Variants in DNHD1 observed in about 807,000 individuals in gnomAD.
DNHD1 encodes dynein heavy chain domain 1.
A neutral mutation model predicts 458.1 loss-of-function variants in DNHD1; 383 were observed. The ratio of observed to expected loss-of-function variants is 0.84; its 90% CI spans 0.77 to 0.91. The LOEUF is 0.91. Among genes scored for constraint, DNHD1 ranks in the 40% least tolerant of loss-of-function variants. The probability of loss-of-function intolerance (pLI) is 0.00; values close to 1 mark genes in which losing one functional copy is unlikely to be tolerated. For missense variants in DNHD1, 5,336 were observed against 5,866.1 expected (o/e 0.91, Z 2.95); for synonymous variants, 2,203 against 2,376.9 (o/e 0.93, Z 2.13).
rs747672379 is a variant in DNHD1 at position 6,559,107 on chromosome 11, G to A, written c.9416+1G>A. The A allele has an allele frequency of 6.2e-5, 96 of 1,551,584 alleles. No individual in the cohort carries two copies. The African/African-American group carries it at 1.2e-3, about 19-fold the overall frequency. On this transcript the variant is annotated splice_donor_variant, in intron 27 of 42. Coordinates refer to ENST00000254579, the MANE Select transcript of DNHD1 (RefSeq NM_144666.3). LOFTEE classifies it high-confidence loss of function. ...TGAAGATTAAGAACAAGGCCCAGCG[G>A]TGAGTGTCCCGTCCCCTGCAGTGTA...
At chr11:6,520,916 T>A in intron 10 of DNHD1, 1 of 959,308 alleles carries the variant, frequency 1.0e-6, no homozygotes, top group Non-Finnish European at 1.2e-6. Flanking sequence ...CTTCTATCTG[T>A]TCATTAAGAA....
At position 6,570,713 on chromosome 11, in the gene DNHD1, C is replaced by T; in HGVS notation, c.13201C>T (p.Pro4401Ser). 1.2e-6 allele frequency: 2 copies of T among 1,611,208 alleles called. No homozygotes were observed. Among genetic ancestry groups the T allele is most frequent in the Admixed American group, 1.7e-5 (1 of 59,662 alleles). ...EPRLCGLSEG[P>S]QAWLLRRQSR... ...CCGGCTCTGCGGACTGAGTGAGGGC[C>T]CCCAAGCCTGGCTGTTGCGACGCCA... The change falls in exon 42 of 43, where the codon CCC (proline) becomes TCC (serine). Residue 4401 changes from proline (P) to serine (S), a missense_variant. Coordinates refer to ENST00000254579, the MANE Select transcript of DNHD1 (RefSeq NM_144666.3).
rs368988717 is a variant in DNHD1, at chr11:6,533,768, A to G, written c.2593A>G (p.Ser865Gly). ...CCACGAACTCATCCGCAACCACTTT[A>G]GCCTCTTTAGTGCTGAGAATGAAGC... is the stretch of plus-strand genomic sequence containing the variant. ...ALHELIRNHFSLFSAENEALD... is the reference protein window; with the variant it reads ...ALHELIRNHFGLFSAENEALD... The change falls in exon 14 of 43, where the codon AGC becomes GGC. Residue 865 changes from serine (S) to glycine (G), a missense_variant. Around this residue, in one of 4 missense-constraint regions of DNHD1, gnomAD observed 3,932 missense variants for 4,365.6 expected, o/e 0.90. Transcript: ENST00000254579. The G allele has an allele frequency of 3.9e-6, 6 of 1,551,522 alleles. No individual in the cohort carries two copies. The highest frequency in any genetic ancestry group is 4.4e-6 in the Non-Finnish European group (5 of 1,146,952).
In DNHD1 at chr11:6,541,587, G is replaced by A. The variant is rs77065443; in HGVS notation, c.3628+1504G>A. Among the ~76,000 whole-genome samples, 31 of 152,328 alleles carry A rather than the reference G, an allele frequency of 2.0e-4. 1 individual carries two copies. In the South Asian group the frequency reaches 4.1e-3, roughly 20 times the overall value. ...CTCTGTGGCTGGATCCCAAAGAATA[G>A]TGGAGGAGGGGATGGAGCAGATGGA... On this transcript the variant is annotated intron_variant, in intron 18 of 42. Transcript: ENST00000254579.
rs1412825724 is a variant in DNHD1, at chr11:6,559,260, C to G, written c.9496C>G (p.Gln3166Glu). The G allele has an allele frequency of 1.9e-6, 3 of 1,551,564 alleles. No individual in the cohort carries two copies. Among genetic ancestry groups the G allele is most frequent in the Non-Finnish European group, 2.6e-6 (3 of 1,146,978 alleles). Residue 3166 changes from glutamine to glutamate, a missense_variant, in exon 28 of 43, where the codon CAG (glutamine) becomes GAG (glutamate). Around this residue, in one of 4 missense-constraint regions of DNHD1, gnomAD observed 3,932 missense variants for 4,365.6 expected, o/e 0.90. Transcript: ENST00000254579. ...TGCCAATCTGATCTTTGACTTGGAACAGCAGCTGAAAGACTCCGGCAAGGT... is the reference window on the plus strand; with the variant it reads ...TGCCAATCTGATCTTTGACTTGGAAGAGCAGCTGAAAGACTCCGGCAAGGT... ...THANLIFDLE[Q>E]QLKDSGKSLS... is the part of the protein sequence containing the mutation.
rs775261527 is a variant in DNHD1 at position 6,511,278 on chromosome 11, T to G, written c.1241T>G (p.Leu414Arg). Residue 414 changes from leucine to arginine, a missense_variant, in exon 7 of 43, where the codon CTG becomes CGG. By Grantham distance (102) the Leu-to-Arg change is moderately radical. Around this residue, in one of 4 missense-constraint regions of DNHD1, gnomAD observed 3,932 missense variants for 4,365.6 expected, o/e 0.90. Coordinates refer to ENST00000254579, the MANE Select transcript of DNHD1 (RefSeq NM_144666.3). ...AGCTTAGTCCTTGATTCTAGGCTTC[T>G]GCAGGAGCTACACTCTGTGTCCTGG... Reference protein sequence around the residue: ...GAGLLHISRLLQELHSVSWLP... With the variant: ...GAGLLHISRLRQELHSVSWLP... The G allele has an allele frequency of 1.9e-6, 3 of 1,614,078 alleles. No homozygotes were observed. The highest frequency in any genetic ancestry group is 2.5e-6 in the Non-Finnish European group (3 of 1,180,032).
In DNHD1 at chr11:6,571,384, T is replaced by C. The variant is rs1853847341; in HGVS notation, c.13872T>C (p.Tyr4624=). ...GCTCGGTCTCCAGTCAGCTCCAGTA[T>C]AAACGTCTGGAGATGAACAGCAACC... ...SRGSVSSQLQ[Y]KRLEMNSNPL... Residue 4624 remains tyrosine (Y), a synonymous_variant, in exon 42 of 43, where the codon TAT becomes TAC. Coordinates refer to ENST00000254579, the MANE Select transcript of DNHD1 (RefSeq NM_144666.3). The surrounding 1 kb of genome is among the most constrained non-coding windows in gnomAD (Gnocchi z 5.0). 6.2e-7 allele frequency: 1 copy of C among 1,611,018 alleles called. No homozygotes were observed. The highest frequency in any genetic ancestry group is 8.5e-7 in the Non-Finnish European group (1 of 1,178,474).
At chr11:6,501,431 TATATC>T (rs1367420263) in intron 3 of DNHD1, among the ~76,000 whole-genome samples, 3 of 151,990 alleles carry the variant, frequency 2.0e-5, no homozygotes, top group Admixed American at 6.6e-5. Context: ...AGATTAAAAA[TATATC>T]ATAGAGAATA....
chr11:6,565,488 T>A (rs777020093), intron 32 of DNHD1, among the ~76,000 whole-genome samples: 19 of 152,234 alleles, frequency 1.2e-4, no homozygotes, highest in Non-Finnish European at 2.4e-4. Flanking sequence ...TCATTTCATT[T>A]AATCTTCACA....
intron 28 of DNHD1, among the ~76,000 whole-genome samples, chr11:6,560,408 C>T (rs1390953485): frequency 6.6e-6 from 1 of 152,148 alleles, no homozygotes. Context: ...TACTGGTGCC[C>T]TCCTACTATT....
chr11:6,533,311 A>T (rs1852867869), intron 13 of DNHD1, 127 bp downstream of exon 13: 1 of 1,006,000 alleles, frequency 9.9e-7, no homozygotes, highest in African/African-American at 1.7e-5. Context: ...GTGCTCGCCT[A>T]AGAGATCTAC....
rs766451490 is a variant in DNHD1, at chr11:6,571,392, T to C, written c.13880T>C (p.Leu4627Pro). The stretch of plus-strand genomic sequence containing the variant: ...TCCAGTCAGCTCCAGTATAAACGTC[T>C]GGAGATGAACAGCAACCCTCTGCAC... ...SVSSQLQYKR[L>P]EMNSNPLHFR... The change falls in exon 42 of 43, where the codon CTG becomes CCG. Residue 4627 changes from leucine to proline, a missense_variant. By Grantham distance (98) the Leu-to-Pro change is moderately conservative. This residue lies in a region of DNHD1 where 698 missense variants were observed against 664.9 expected (regional missense o/e 1.05). Transcript: ENST00000254579. This position sits in a 1 kb window ranked among gnomAD's most constrained non-coding sequence, Gnocchi z 5.0. 2.5e-6 allele frequency: 4 copies of C among 1,608,980 alleles called. No homozygotes were observed. In the South Asian group the frequency reaches 3.3e-5, roughly 13 times the overall value.
At chr11:6,529,619 C>CA in intron 12 of DNHD1, among the ~76,000 whole-genome samples, 1 of 152,296 alleles carries the variant, frequency 6.6e-6, no homozygotes. Flanking sequence ...GATATCTGGG[C>CA]AATTGAAAAT....
chr11:6,571,186 T>C lies in DNHD1; in HGVS notation c.13674T>C (p.Arg4558=). ...ACTGGCTGCGACAGTTGTCGCGCCG[T>C]GGGCAACTGTTGGTTCGTTACTTGG... ...PWHWLRQLSR[R]GQLLVRYLGV... is the part of the protein sequence containing the mutation. The change falls in exon 42 of 43, where the codon CGT becomes CGC. Residue 4558 remains arginine, a synonymous_variant. Coordinates refer to ENST00000254579, the MANE Select transcript of DNHD1 (RefSeq NM_144666.3). This position sits in a 1 kb window ranked among gnomAD's most constrained non-coding sequence, Gnocchi z 5.0. 6.2e-7 allele frequency: 1 copy of C among 1,604,732 alleles called. No homozygotes were observed. The highest frequency in any genetic ancestry group is 8.5e-7 in the Non-Finnish European group (1 of 1,174,900).
Position 6,508,927 on chromosome 11 carries a change from A to G in DNHD1, c.968A>G (p.His323Arg). Residue 323 changes from histidine (H) to arginine (R), a missense_variant, in exon 5 of 43, where the codon CAC becomes CGC. By Grantham distance (29) the His-to-Arg change is conservative. Around this residue, in one of 4 missense-constraint regions of DNHD1, gnomAD observed 3,932 missense variants for 4,365.6 expected, o/e 0.90. Transcript: ENST00000254579. Reference protein sequence around the residue: ...VVPPDKVNPEHYIFSPFGILH... With the variant: ...VVPPDKVNPERYIFSPFGILH... ...CCACCCGACAAGGTGAATCCCGAGC[A>G]CTACATCTTCTCTCCCTTTGGGATC... 1 of 1,614,160 alleles carries G rather than the reference A, an allele frequency of 6.2e-7. No individual in the cohort carries two copies. The highest frequency in any genetic ancestry group is 8.5e-7 in the Non-Finnish European group (1 of 1,180,008).
At chr11:6,501,991 A>G (rs934267681) in intron 3 of DNHD1, among the ~76,000 whole-genome samples, 8 of 152,184 alleles carry the variant, frequency 5.3e-5, no homozygotes, top group Non-Finnish European at 1.0e-4. Context: ...AGTTTGGGTC[A>G]GTTAATGATA....
intron 7 of DNHD1, among the ~76,000 whole-genome samples, chr11:6,518,356 C>T (rs888092231): frequency 6.6e-6 from 1 of 152,200 alleles, no homozygotes; most frequent in Non-Finnish European, 1.5e-5. Flanking sequence ...GCCACTGTGC[C>T]CATCCTAAAC....
chr11:6,542,444 C>T (rs975693705), intron 18 of DNHD1, among the ~76,000 whole-genome samples: 2 of 152,246 alleles, frequency 1.3e-5, no homozygotes, highest in African/African-American at 4.8e-5. Flanking sequence ...ACCAGTCTTT[C>T]CTGAGCTCAC....
In DNHD1 at chr11:6,570,409, C is replaced by G. The variant is rs1254341875; in HGVS notation, c.13105+13C>G. 1 of 1,601,266 alleles carries G rather than the reference C, an allele frequency of 6.2e-7. No individual in the cohort carries two copies. Among genetic ancestry groups the G allele is most frequent in the Admixed American group, 1.7e-5 (1 of 58,600 alleles). ...ATGCCCCTCCCAGGTAAGCCTCACT[C>G]AGGTATCTGTTTTGGGGTAGGGAAT... is the stretch of plus-strand genomic sequence containing the variant. On this transcript the variant is annotated intron_variant, in intron 41 of 42. Transcript: ENST00000254579.
Sources: gnomAD v4.1 joint callset for allele counts (sites outside exome capture counted in the v4.1 genomes callset) on GRCh38, gnomAD v4.1.1 for gene constraint, gnomAD v4.1.1 regional missense constraint, Gnocchi (gnomAD v3.1) non-coding constraint, MANE v1.5 for transcripts, NCBI Gene and HGNC (gene_info 2026-07-23, HGNC 2026-07-21) for gene names.